NEGR1: variants seen among roughly 807,000 people sequenced by gnomAD.
The protein encoded by NEGR1 is neuronal growth regulator 1.
A neutral mutation model predicts 40.9 loss-of-function variants in NEGR1; 10 were observed. The observed-to-expected ratio is 0.24, with a 90% CI of 0.15 to 0.42. The LOEUF is 0.42. Ranked by LOEUF, NEGR1 falls within the 10% of genes least tolerant of loss-of-function variation. NEGR1 has a pLI of 1.00. For synonymous variants in NEGR1, 185 were observed against 166.8 expected (o/e 1.11, Z -0.84); for missense variants, 352 against 438.9 (o/e 0.80, Z 1.77).
At chr1:71,636,072 T>C (rs969265626) in intron 4 of NEGR1, among the ~76,000 whole-genome samples, 1 of 152,114 alleles carries the variant, frequency 6.6e-6, no homozygotes, top group African/African-American at 2.4e-5. Context: ...TAGCAATAGA[T>C]AAATGTTTCA....
chr1:71,438,878 G>T (rs778876649), intron 6 of NEGR1, among the ~76,000 whole-genome samples: 3 of 152,160 alleles, frequency 2.0e-5, no homozygotes, highest in Non-Finnish European at 4.4e-5. Context: ...GTGGAAACCT[G>T]CCCTGCTCTT....
At chr1:71,906,149 T>C (rs1377497036) in intron 2 of NEGR1, among the ~76,000 whole-genome samples, 1 of 152,060 alleles carries the variant, frequency 6.6e-6, no homozygotes, top group Admixed American at 6.6e-5. Flanking sequence ...CAATTCTGGG[T>C]GCTGCCCAAT....
intron 3 of NEGR1, among the ~76,000 whole-genome samples, chr1:71,734,830 T>G (rs1216691618): frequency 6.6e-6 from 1 of 152,164 alleles, no homozygotes; most frequent in African/African-American, 2.4e-5. Flanking sequence ...TTGCAGTCTT[T>G]GATCATCTTA....
chr1:71,456,586 C>T (rs1646674692), intron 6 of NEGR1, among the ~76,000 whole-genome samples: 2 of 152,094 alleles, frequency 1.3e-5, no homozygotes, highest in African/African-American at 4.8e-5. Context: ...TTTTTTTCTT[C>T]CCCGCAATGG....
At chr1:72,175,030 A>C (rs1357062873) in intron 1 of NEGR1, among the ~76,000 whole-genome samples, 1 of 151,894 alleles carries the variant, frequency 6.6e-6, no homozygotes, top group Non-Finnish European at 1.5e-5. Flanking sequence ...GGTTAGTTAC[A>C]TATGTATACA....
chr1:71,412,285 G>C (rs1221363160), intron 6 of NEGR1, among the ~76,000 whole-genome samples: 1 of 152,002 alleles, frequency 6.6e-6, no homozygotes, highest in Non-Finnish European at 1.5e-5. Flanking sequence ...AGCCTAGATG[G>C]CCTTCTTCCT....
intron 2 of NEGR1, among the ~76,000 whole-genome samples, chr1:71,906,030 G>A (rs1158100723): frequency 6.6e-6 from 1 of 152,158 alleles, no homozygotes; most frequent in East Asian, 1.9e-4. Context: ...ATCAAAATAA[G>A]GCAAATGGCT....
At chr1:71,510,093 C>G (rs368695325) in intron 6 of NEGR1, among the ~76,000 whole-genome samples, 55 of 152,230 alleles carry the variant, frequency 3.6e-4, no homozygotes, top group African/African-American at 1.2e-3. Context: ...AATGGGTTGG[C>G]TAGAAGGTTG....
chr1:72,167,116 C>G (rs2630427), intron 1 of NEGR1, among the ~76,000 whole-genome samples: 148,753 of 152,044 alleles, frequency 0.98, 72,784 homozygotes, highest in East Asian at 1. Context: ...TCCTTAGTTT[C>G]AGATGAGATG....
chr1:71,448,774 G>A (rs1051489258), intron 6 of NEGR1, among the ~76,000 whole-genome samples: 15 of 152,230 alleles, frequency 9.9e-5, no homozygotes, highest in Middle Eastern at 3.4e-3. Context: ...CAACTTAGAT[G>A]TAATTTATAC....
intron 1 of NEGR1, among the ~76,000 whole-genome samples, chr1:72,039,344 G>A (rs556845082): frequency 9.2e-5 from 14 of 151,924 alleles, no homozygotes; most frequent in Non-Finnish European, 2.1e-4. Flanking sequence ...TACCAGGTAA[G>A]CACAATAAGG....
At chr1:72,063,576 G>A (rs576148675) in intron 1 of NEGR1, among the ~76,000 whole-genome samples, 2 of 151,956 alleles carry the variant, frequency 1.3e-5, no homozygotes, top group African/African-American at 4.8e-5. Flanking sequence ...TTCTAGCTCT[G>A]CCAGAATGTG....
At chr1:71,488,374 A>G (rs1456045428) in intron 6 of NEGR1, among the ~76,000 whole-genome samples, 1 of 151,800 alleles carries the variant, frequency 6.6e-6, no homozygotes, top group Non-Finnish European at 1.5e-5. Flanking sequence ...GCCCTTTCCA[A>G]AACAATTTTG....
intron 6 of NEGR1, among the ~76,000 whole-genome samples, chr1:71,433,956 G>A (rs542282262): frequency 1.4e-4 from 22 of 152,296 alleles, no homozygotes; most frequent in East Asian, 9.6e-4. Flanking sequence ...TTGAAGTCAC[G>A]TTGAGGTTGT....
intron 1 of NEGR1, among the ~76,000 whole-genome samples, chr1:72,017,909 T>C: frequency 6.6e-6 from 1 of 152,266 alleles, no homozygotes; most frequent in East Asian, 1.9e-4. Context: ...TTTAAAGAAC[T>C]TACATTTTCT....
chr1:71,521,351 T>A (rs1448501574), intron 6 of NEGR1, among the ~76,000 whole-genome samples: 2 of 152,002 alleles, frequency 1.3e-5, no homozygotes, highest in African/African-American at 4.8e-5. Flanking sequence ...TAAGATTATC[T>A]GGCCCAATCC....
intron 1 of NEGR1, among the ~76,000 whole-genome samples, chr1:72,185,487 A>G (rs777222337): frequency 2.0e-5 from 3 of 151,996 alleles, no homozygotes; most frequent in Non-Finnish European, 4.4e-5. Context: ...TTGAGAAACA[A>G]TAAGGGCTGC....
At position 71,441,987 on chromosome 1, in the gene NEGR1, T is replaced by C. The variant is rs114730709; in HGVS notation, c.941-34417A>G. ...AGCACAATGTTGACTTTTGTAAATA[T>C]ATCAATTGGTAGCTGAAATAGGTGA... On this transcript the variant is annotated intron_variant, in intron 6 of 6. Transcript: ENST00000357731. 1.8e-3 allele frequency among the ~76,000 whole-genome samples: 280 copies of C among 152,342 alleles called. 5 individuals carry two copies. Among genetic ancestry groups the C allele is most frequent in the Non-Finnish European group, 2.3e-3 (154 of 68,022 alleles).
At chr1:71,407,663 A>G in intron 6 of NEGR1, 93 bp from the exon 7 acceptor site, 3 of 1,219,452 alleles carry the variant, frequency 2.5e-6, no homozygotes, top group Non-Finnish European at 3.6e-6. Flanking sequence ...CATCGGGGAA[A>G]GCACTGACAT....
Sources: gnomAD v4.1 joint callset for allele counts (sites outside exome capture counted in the v4.1 genomes callset) on GRCh38, gnomAD v4.1.1 for gene constraint, MANE v1.5 for transcripts, NCBI Gene and HGNC (gene_info 2026-07-23, HGNC 2026-07-21) for gene names.